The following NPAS4 variants were observed in gnomAD, a reference collection of about 807,000 sequenced individuals.
NPAS4 encodes the protein neuronal PAS domain protein 4.
NPAS4 carries 10 observed loss-of-function variants against 64.0 expected under a neutral mutation model. That is an observed-to-expected ratio of 0.16 (90% CI 0.10 to 0.26). The LOEUF (loss-of-function observed/expected upper bound fraction) is 0.26, where lower values mean the gene tolerates loss of function less well. NPAS4 is among the 10% of genes least tolerant of loss of function. The pLI, the probability that NPAS4 is intolerant of heterozygous loss-of-function variation, is 1.00. For missense variants in NPAS4, 886 were observed against 992.6 expected (o/e 0.89, Z 1.44); for synonymous variants, 441 against 411.7 (o/e 1.07, Z -0.86).
chr11:66,413,824 G>T, the NPAS4 span, among the ~76,000 whole-genome samples: 1 of 152,146 alleles, frequency 6.6e-6, no homozygotes, highest in Non-Finnish European at 1.5e-5. Context: ...CTCCCAGCAT[G>T]CCTCCTTGAC....
chr11:66,416,215 C>A (rs1856667360), upstream of NPAS4, among the ~76,000 whole-genome samples: 1 of 152,218 alleles, frequency 6.6e-6, no homozygotes, highest in Non-Finnish European at 1.5e-5. Flanking sequence ...TTTGCACCCA[C>A]TGCCCATGCC....
intron 7 of NPAS4, 104 bp from the exon 8 acceptor site, chr11:66,425,857 C>G: frequency 1.2e-6 from 1 of 859,230 alleles, no homozygotes; most frequent in African/African-American, 1.7e-5. Flanking sequence ...ATCATTGAGC[C>G]AATATCTTTG....
In NPAS4 at chr11:66,424,116, A is replaced by G. The variant is rs1168557102; in HGVS notation, c.1226A>G (p.Glu409Gly). The G allele has an allele frequency of 6.2e-7, 1 of 1,613,950 alleles. No homozygotes were observed. The highest frequency in any genetic ancestry group is 8.5e-7 in the Non-Finnish European group (1 of 1,179,974). Reference sequence around the variant, plus strand: ...TACCTGACATTCCCTTCTGGGCCTGAGCCTTCTCTCCAAGCAGAACTAAGC... The same window carrying G: ...TACCTGACATTCCCTTCTGGGCCTGGGCCTTCTCTCCAAGCAGAACTAAGC... ...FSYLTFPSGP[E>G]PSLQAELSKD... Residue 409 changes from glutamate (E) to glycine (G), a missense_variant, in exon 7 of 8, where the codon GAG (glutamate) becomes GGG (glycine). Glu to Gly is a moderately conservative substitution (Grantham distance 98). Transcript: ENST00000311034.
rs1856756327 is a variant in NPAS4, at chr11:66,422,243, G to A, written c.299G>A (p.Ser100Asn). 6.2e-7 allele frequency: 1 copy of A among 1,614,108 alleles called. No homozygotes were observed. Among genetic ancestry groups the A allele is most frequent in the Non-Finnish European group, 8.5e-7 (1 of 1,180,026 alleles). Residue 100 changes from serine (S) to asparagine (N), a missense_variant, in exon 2 of 8, where the codon AGT becomes AAT. By Grantham distance (46) the Ser-to-Asn change is conservative. Around this residue, in one of 3 missense-constraint regions of NPAS4, gnomAD observed 820 missense variants for 855.5 expected, o/e 0.96. Transcript: ENST00000311034. ...GGGAAATTGCTCTACCTGTCTGAGA[G>A]TGTGAGCGAGCATCTGGGCCACTCC... Reference protein sequence around the residue: ...AEGKLLYLSESVSEHLGHSMV... With the variant: ...AEGKLLYLSENVSEHLGHSMV...
chr11:66,424,969 G>A lies in NPAS4; in HGVS notation c.2079G>A (p.Glu693=). The change falls in exon 7 of 8, where the codon GAG becomes GAA. Residue 693 remains glutamate (E), a synonymous_variant. Coordinates refer to ENST00000311034, the MANE Select transcript of NPAS4 (RefSeq NM_178864.4). The stretch of plus-strand genomic sequence containing the variant: ...ACCTGAAACCCTGGAAATGCCAGGA[G>A]CTGGACTTCCTGGCTGACCCTGATA... ...SLDLKPWKCQ[E]LDFLADPDNM... 3 of 1,614,172 alleles carry A rather than the reference G, an allele frequency of 1.9e-6. No individual in the cohort carries two copies. Among genetic ancestry groups the A allele is most frequent in the South Asian group, 1.1e-5 (1 of 91,092 alleles).
upstream of NPAS4, among the ~76,000 whole-genome samples, chr11:66,418,583 C>G (rs758071489): frequency 7.2e-5 from 11 of 152,146 alleles, no homozygotes; most frequent in Non-Finnish European, 1.6e-4. Context: ...GAGCCCTTCT[C>G]TACCCCCTCC....
the NPAS4 span, among the ~76,000 whole-genome samples, chr11:66,411,448 A>G: frequency 6.6e-5 from 10 of 152,160 alleles, no homozygotes; most frequent in Admixed American, 2.6e-4. Context: ...CCTATTCAGA[A>G]CTATTCCCCT....
chr11:66,425,339 C>T (rs1856823184), intron 7 of NPAS4, 69 bp downstream of exon 7: 7 of 832,590 alleles, frequency 8.4e-6, no homozygotes, highest in Non-Finnish European at 1.1e-5. Context: ...TAGATTTAGG[C>T]AAATCAATTC....
chr11:66,423,413 G>A, intron 5 of NPAS4, 165 bp from the exon 6 acceptor site: 2 of 845,776 alleles, frequency 2.4e-6, no homozygotes, highest in South Asian at 1.6e-5. Context: ...AGAACTGGGG[G>A]ACTCTGAGTG....
chr11:66,413,258 G>A, the NPAS4 span, among the ~76,000 whole-genome samples: 272 of 152,328 alleles, frequency 1.8e-3, no homozygotes, highest in African/African-American at 6.1e-3. Context: ...GGAAGAACTC[G>A]GCAGAGGAGA....
At chr11:66,421,015 C>A (rs981451241), upstream of NPAS4, 6 of 620,870 alleles carry the variant, frequency 9.7e-6, no homozygotes, top group African/African-American at 5.5e-5. Flanking sequence ...CTATATAAGG[C>A]GGCGTGAGGC....
At chr11:66,419,758 G>C (rs890056931), upstream of NPAS4, among the ~76,000 whole-genome samples, 7 of 152,172 alleles carry the variant, frequency 4.6e-5, no homozygotes, top group African/African-American at 9.7e-5. Flanking sequence ...GGATATGAAA[G>C]GACAGAAAAA....
chr11:66,421,993 C>A, intron 1 of NPAS4, 127 bp from the exon 2 acceptor site: 1 of 788,218 alleles, frequency 1.3e-6, no homozygotes, highest in Admixed American at 2.2e-5. Flanking sequence ...AGCGGGTCAA[C>A]AGGTGTTTGC....
chr11:66,422,214 C>G lies in NPAS4; in HGVS notation c.270C>G (p.Ala90=), dbSNP rs748640840. The change falls in exon 2 of 8, where the codon GCC becomes GCG. Residue 90 remains alanine (A), a synonymous_variant. Coordinates refer to ENST00000311034, the MANE Select transcript of NPAS4 (RefSeq NM_178864.4). ...ALPGFLLVFT[A]EGKLLYLSES... is the part of the protein sequence containing the mutation. Reference sequence around the variant, plus strand: ...CCGGCTTTCTGCTTGTGTTCACAGCCGAGGGGAAATTGCTCTACCTGTCTG... The same window carrying G: ...CCGGCTTTCTGCTTGTGTTCACAGCGGAGGGGAAATTGCTCTACCTGTCTG... 6.2e-7 allele frequency: 1 copy of G among 1,613,996 alleles called. No homozygotes were observed. The highest frequency in any genetic ancestry group is 1.7e-5 in the Admixed American group (1 of 60,014).
chr11:66,424,925 C>A lies in NPAS4; in HGVS notation c.2035C>A (p.Pro679Thr). Reference protein sequence around the residue: ...DSNLSLSGAGPPVLSLDLKPW... With the variant: ...DSNLSLSGAGTPVLSLDLKPW... ...CAACCTGTCCCTGTCAGGGGCAGGC[C>A]CCCCTGTGCTCAGCCTGGACCTGAA... Residue 679 changes from proline (P) to threonine (T), a missense_variant, in exon 7 of 8, where the codon CCC becomes ACC. Coordinates refer to ENST00000311034, the MANE Select transcript of NPAS4 (RefSeq NM_178864.4). The A allele has an allele frequency of 1.2e-6, 2 of 1,613,980 alleles. No homozygotes were observed. The highest frequency in any genetic ancestry group is 2.2e-5 in the South Asian group (2 of 91,082).
At chr11:66,413,894 C>T in the NPAS4 span, among the ~76,000 whole-genome samples, 4 of 152,300 alleles carry the variant, frequency 2.6e-5, no homozygotes, top group Admixed American at 2.6e-4. Flanking sequence ...CCTGCAGGTT[C>T]CATGAGGCCA....
At chr11:66,423,322 G>A in intron 5 of NPAS4, 90 bp downstream of exon 5, 2 of 960,440 alleles carry the variant, frequency 2.1e-6, no homozygotes, top group Non-Finnish European at 3.3e-6. Context: ...CAAGAGTGAT[G>A]CTGGGGAGAT....
upstream of NPAS4, among the ~76,000 whole-genome samples, chr11:66,417,798 A>T (rs905204481): frequency 6.0e-5 from 9 of 149,982 alleles, no homozygotes; most frequent in Non-Finnish European, 3.0e-5. Context: ...TGCACAGAAC[A>T]TAGGAAGTTG....
chr11:66,417,753 G>T (rs1420334589), upstream of NPAS4, among the ~76,000 whole-genome samples: 1 of 151,966 alleles, frequency 6.6e-6, no homozygotes, highest in Non-Finnish European at 1.5e-5. Context: ...ATGGAAAATT[G>T]TAGACATAAA....
Sources: allele counts gnomAD v4.1 joint callset (sites outside exome capture counted in the v4.1 genomes callset), GRCh38; gene constraint gnomAD v4.1.1; regional missense constraint gnomAD v4.1.1; transcripts MANE v1.5; gene names NCBI Gene and HGNC (gene_info 2026-07-23, HGNC 2026-07-21).